The following KHDRBS2 variants were observed in gnomAD, a reference collection of about 807,000 sequenced individuals.
The protein encoded by KHDRBS2 is KH RNA binding domain containing, signal transduction associated 2.
Under a neutral mutation model 44.3 loss-of-function variants are expected in KHDRBS2, and 26 were observed. That is an observed-to-expected ratio of 0.59 (90% CI 0.43 to 0.81). KHDRBS2 has a LOEUF of 0.81. KHDRBS2 is among the 40% of genes least tolerant of loss of function. The probability of loss-of-function intolerance (pLI) is 0.00; values close to 1 mark genes in which losing one functional copy is unlikely to be tolerated. For missense variants in KHDRBS2, 476 were observed against 433.1 expected, an observed-to-expected ratio of 1.10 and a Z score of -0.88; for synonymous variants, 194 against 151.1, an observed-to-expected ratio of 1.28 and a Z score of -2.08.
chr6:61,783,486 T>G (rs1444697551), intron 6 of KHDRBS2, among the ~76,000 whole-genome samples: 1 of 152,026 alleles, frequency 6.6e-6, no homozygotes, highest in Non-Finnish European at 1.5e-5. Flanking sequence ...CATTATATAT[T>G]TACTGAAGAA....
At chr6:62,036,603 T>C (rs1562694515) in intron 3 of KHDRBS2, among the ~76,000 whole-genome samples, 2 of 152,016 alleles carry the variant, frequency 1.3e-5, no homozygotes, top group Non-Finnish European at 2.9e-5. Flanking sequence ...TAGGTTGCAA[T>C]AGTTAAAGAA....
intron 3 of KHDRBS2, among the ~76,000 whole-genome samples, chr6:62,029,274 T>G (rs1048411782): frequency 1.3e-5 from 2 of 151,940 alleles, no homozygotes. Flanking sequence ...ACAAAATTTA[T>G]TTTTCAACAT....
intron 1 of KHDRBS2, among the ~76,000 whole-genome samples, chr6:62,271,565 A>G (rs1283493728): frequency 6.6e-6 from 1 of 152,178 alleles, no homozygotes; most frequent in Admixed American, 6.5e-5. Flanking sequence ...AGAGGGAGAT[A>G]TGATTATCAT....
chr6:62,188,591 T>A (rs1336939505), intron 1 of KHDRBS2, among the ~76,000 whole-genome samples: 2 of 152,134 alleles, frequency 1.3e-5, no homozygotes, highest in African/African-American at 4.8e-5. Flanking sequence ...GAGACATTAA[T>A]TAAGTATGGG....
chr6:61,641,667 C>G, the KHDRBS2 span, among the ~76,000 whole-genome samples: 1 of 152,152 alleles, frequency 6.6e-6, no homozygotes, highest in African/African-American at 2.4e-5. Flanking sequence ...TTTCTCTGGT[C>G]AACCATAAGC....
chr6:61,803,963 C>T (rs1472638837), intron 6 of KHDRBS2, among the ~76,000 whole-genome samples: 1 of 152,040 alleles, frequency 6.6e-6, no homozygotes, highest in East Asian at 1.9e-4. Flanking sequence ...CAGAGCCAGA[C>T]CATATCATTT....
At chr6:61,734,699 C>A (rs557625803) in intron 6 of KHDRBS2, among the ~76,000 whole-genome samples, 88 of 152,216 alleles carry the variant, frequency 5.8e-4, no homozygotes, top group African/African-American at 2.0e-3. Context: ...TTCTCATACA[C>A]CTTTTCCTTT....
chr6:61,657,353 TTTC>T, the KHDRBS2 span, among the ~76,000 whole-genome samples: 8 of 152,142 alleles, frequency 5.3e-5, no homozygotes, highest in East Asian at 9.7e-4. Context: ...GTTTTCATTC[TTTC>T]TTCTTCTTAT....
At chr6:61,584,631 A>G in the KHDRBS2 span, among the ~76,000 whole-genome samples, 1 of 151,830 alleles carries the variant, frequency 6.6e-6, no homozygotes, top group South Asian at 2.1e-4. Flanking sequence ...AGGGATATTA[A>G]AAGGATGACT....
At chr6:62,202,908 C>T (rs1827272039) in intron 1 of KHDRBS2, among the ~76,000 whole-genome samples, 1 of 152,096 alleles carries the variant, frequency 6.6e-6, no homozygotes, top group Admixed American at 6.6e-5. Context: ...GTGTGATCAG[C>T]TTATGGCAGA....
chr6:62,262,646 A>T (rs1309214050), intron 1 of KHDRBS2, among the ~76,000 whole-genome samples: 2 of 151,652 alleles, frequency 1.3e-5, no homozygotes, highest in Non-Finnish European at 3.0e-5. Flanking sequence ...ATTCTGATAA[A>T]TTTTTTTGGG....
At position 62,085,788 on chromosome 6, in the gene KHDRBS2, T is replaced by C. The variant is rs140466366; in HGVS notation, c.220-37794A>G. On this transcript the variant is annotated intron_variant, in intron 2 of 8. Transcript: ENST00000281156. ...GGTTAATTAGAAGACTGCAGAATCA[T>C]AGAATGTTGTTACATGTTGAAAATT... Among the ~76,000 whole-genome samples, 403 of 152,216 alleles carry C rather than the reference T, an allele frequency of 2.6e-3. 3 individuals carry two copies. The highest frequency in any genetic ancestry group is 8.4e-3 in the African/African-American group (347 of 41,542).
intron 7 of KHDRBS2, among the ~76,000 whole-genome samples, chr6:61,719,810 G>C (rs1224274498): frequency 1.3e-5 from 2 of 151,386 alleles, no homozygotes; most frequent in Non-Finnish European, 2.9e-5. Context: ...TAAGTTTTAG[G>C]GTACATGTGC....
chr6:62,145,225 A>C (rs1482935784), intron 2 of KHDRBS2, among the ~76,000 whole-genome samples: 1 of 151,344 alleles, frequency 6.6e-6, no homozygotes, highest in Admixed American at 6.6e-5. Context: ...TAATGGTTAC[A>C]TCCAATATAT....
intron 3 of KHDRBS2, among the ~76,000 whole-genome samples, chr6:61,993,674 T>TATATATATATATATATATATA (rs58974944): frequency 1.7e-4 from 14 of 84,284 alleles, no homozygotes; most frequent in Non-Finnish European, 2.4e-4. Context: ...TATATATATA[T>TATATATATATATATATATATA]TTTTTTTTTT....
At chr6:62,027,819 A>C (rs1783646004) in intron 3 of KHDRBS2, among the ~76,000 whole-genome samples, 2 of 152,050 alleles carry the variant, frequency 1.3e-5, no homozygotes, top group Admixed American at 1.3e-4. Context: ...TTTTCCCCAT[A>C]ACTTGCCCTA....
intron 2 of KHDRBS2, among the ~76,000 whole-genome samples, chr6:62,107,513 A>G (rs1400327488): frequency 6.6e-6 from 1 of 152,220 alleles, no homozygotes; most frequent in African/African-American, 2.4e-5. Flanking sequence ...AAATGGCCAT[A>G]CTGCCCAAAG....
Position 62,230,432 on chromosome 6 carries a change from G to C in KHDRBS2, c.92-53120C>G, listed in dbSNP as rs372137474. On this transcript the variant is annotated intron_variant, in intron 1 of 8. Coordinates refer to ENST00000281156, the MANE Select transcript of KHDRBS2 (RefSeq NM_152688.4). ...AAATTAAAACTCCAAGATTCATCTT[G>C]GACATCCATTTTATAATAGGGCAAT... Among the ~76,000 whole-genome samples the C allele has an allele frequency of 2.2e-3, 336 of 152,136 alleles. 1 individual carries two copies. Among genetic ancestry groups the C allele is most frequent in the African/African-American group, 7.8e-3 (325 of 41,508 alleles).
At chr6:61,601,082 C>G in the KHDRBS2 span, among the ~76,000 whole-genome samples, 890 of 152,260 alleles carry the variant, frequency 5.8e-3, 5 homozygotes, top group Middle Eastern at 0.01. Flanking sequence ...CATTCACCCA[C>G]ATTCCCTTGG....
Sources: allele counts gnomAD v4.1 joint callset (sites outside exome capture counted in the v4.1 genomes callset), GRCh38; gene constraint gnomAD v4.1.1; transcripts MANE v1.5; gene names NCBI Gene and HGNC (gene_info 2026-07-23, HGNC 2026-07-21).